Variants in AMPH observed in about 807,000 individuals in gnomAD.
AMPH encodes the protein amphiphysin.
AMPH carries 49 observed loss-of-function variants against 99.1 expected under a neutral mutation model. That is an observed-to-expected ratio of 0.49 (90% CI 0.39 to 0.63). AMPH has a LOEUF of 0.63. Ranked by LOEUF, AMPH falls within the 20% of genes least tolerant of loss-of-function variation. AMPH has a pLI of 0.00. For missense variants in AMPH, 759 were observed against 863.4 expected (o/e 0.88, Z 1.52); for synonymous variants, 314 against 317.3 (o/e 0.99, Z 0.11).
intron 1 of AMPH, among the ~76,000 whole-genome samples, chr7:38,626,799 G>T (rs1584321176): frequency 6.6e-6 from 1 of 152,194 alleles, no homozygotes; most frequent in East Asian, 1.9e-4. Context: ...TAATTATCCA[G>T]AATCTAAAAG....
chr7:38,608,512 G>T (rs1166428453), intron 1 of AMPH, among the ~76,000 whole-genome samples: 1 of 152,108 alleles, frequency 6.6e-6, no homozygotes, highest in Non-Finnish European at 1.5e-5. Context: ...GGCTTTTGGG[G>T]TTCTGTAGCA....
chr7:38,440,217 A>T (rs548810443), intron 11 of AMPH, among the ~76,000 whole-genome samples: 1 of 152,374 alleles, frequency 6.6e-6, no homozygotes, highest in East Asian at 1.9e-4. Flanking sequence ...GAGGAACAAC[A>T]TGAAGGTAGC....
At chr7:38,602,617 C>A (rs186635130) in intron 1 of AMPH, among the ~76,000 whole-genome samples, 1 of 152,276 alleles carries the variant, frequency 6.6e-6, no homozygotes. Flanking sequence ...CCCCAGTAAT[C>A]CAGAATAATC....
At chr7:38,432,599 C>T (rs1786077672) in intron 12 of AMPH, among the ~76,000 whole-genome samples, 1 of 148,882 alleles carries the variant, frequency 6.7e-6, no homozygotes, top group Admixed American at 6.7e-5. Flanking sequence ...CACACACACA[C>T]ACACACACAC....
chr7:38,517,834 T>A (rs1789808043), intron 2 of AMPH, among the ~76,000 whole-genome samples: 1 of 152,198 alleles, frequency 6.6e-6, no homozygotes, highest in African/African-American at 2.4e-5. Flanking sequence ...ACGTGATCCT[T>A]TGTTAAAGAG....
intron 1 of AMPH, among the ~76,000 whole-genome samples, chr7:38,576,051 G>T (rs1792229759): frequency 6.6e-6 from 1 of 152,156 alleles, no homozygotes; most frequent in South Asian, 2.1e-4. Flanking sequence ...TAAGCCTCTG[G>T]GATAGACTGC....
intron 11 of AMPH, among the ~76,000 whole-genome samples, chr7:38,449,285 G>T (rs1023911528): frequency 6.6e-6 from 1 of 152,186 alleles, no homozygotes; most frequent in Non-Finnish European, 1.5e-5. Context: ...TCTCTTTCGG[G>T]TGCTTACAAT....
intron 2 of AMPH, among the ~76,000 whole-genome samples, chr7:38,528,717 G>C (rs904806247): frequency 2.6e-5 from 4 of 151,426 alleles, no homozygotes; most frequent in African/African-American, 9.7e-5. Context: ...TCCATTTTCA[G>C]TTTCATTGAT....
intron 1 of AMPH, among the ~76,000 whole-genome samples, chr7:38,590,580 G>C (rs576695655): frequency 2.2e-4 from 34 of 152,286 alleles, no homozygotes; most frequent in African/African-American, 7.9e-4. Context: ...CCCTCCCCCT[G>C]TGCTCTCAGA....
At chr7:38,477,458 A>G (rs938413479) in intron 5 of AMPH, among the ~76,000 whole-genome samples, 6 of 152,178 alleles carry the variant, frequency 3.9e-5, no homozygotes, top group Non-Finnish European at 5.9e-5. Flanking sequence ...TACTTTGTTC[A>G]TTAGAATCCC....
chr7:38,504,399 G>A (rs1310068788), intron 2 of AMPH, among the ~76,000 whole-genome samples: 5 of 152,158 alleles, frequency 3.3e-5, no homozygotes, highest in Admixed American at 1.3e-4. Context: ...TAGAAACTCC[G>A]AGACTCTCTG....
chr7:38,621,008 T>C (rs931063509), intron 1 of AMPH, among the ~76,000 whole-genome samples: 35 of 152,194 alleles, frequency 2.3e-4, no homozygotes, highest in Non-Finnish European at 4.4e-5. Context: ...GAAGAGATCA[T>C]TTATAAGGCC....
At chr7:38,602,724 A>G (rs1229292756) in intron 1 of AMPH, among the ~76,000 whole-genome samples, 2 of 152,210 alleles carry the variant, frequency 1.3e-5, no homozygotes, top group Non-Finnish European at 2.9e-5. Flanking sequence ...GGATGTAGAC[A>G]TCTTTGAGAG....
Position 38,564,289 on chromosome 7 carries a change from G to A in AMPH, c.70-29278C>T, listed in dbSNP as rs955824560. ...ATGAGGTGACAGAACCCCTGCACACGTCAAGCAGGGATCAGGGACTATACA... is the reference window on the plus strand; with the variant it reads ...ATGAGGTGACAGAACCCCTGCACACATCAAGCAGGGATCAGGGACTATACA... On this transcript the variant is annotated intron_variant, in intron 1 of 20. Coordinates refer to ENST00000356264, the MANE Select transcript of AMPH (RefSeq NM_001635.4). Among the ~76,000 whole-genome samples the A allele has an allele frequency of 3.3e-5, 5 of 152,178 alleles. No homozygotes were observed. In the East Asian group the frequency reaches 5.8e-4, roughly 18 times the overall value.
At chr7:38,475,125 A>G (rs1788032741) in intron 7 of AMPH, among the ~76,000 whole-genome samples, 1 of 152,222 alleles carries the variant, frequency 6.6e-6, no homozygotes, top group Non-Finnish European at 1.5e-5. Context: ...TTTAAAATTT[A>G]GTTCCTCCTT....
At chr7:38,600,136 A>G (rs1793197489) in intron 1 of AMPH, among the ~76,000 whole-genome samples, 1 of 152,170 alleles carries the variant, frequency 6.6e-6, no homozygotes, top group Non-Finnish European at 1.5e-5. Context: ...AAAATAAAAG[A>G]TAAAAATCCC....
intron 17 of AMPH, among the ~76,000 whole-genome samples, chr7:38,398,193 A>AC (rs1015584090): frequency 1.5e-5 from 2 of 135,080 alleles, no homozygotes; most frequent in Non-Finnish European, 3.4e-5. Flanking sequence ...AAAAAAAAAA[A>AC]AACAAAAAAA....
chr7:38,400,037 G>A (rs1784798448), intron 17 of AMPH, among the ~76,000 whole-genome samples: 1 of 152,026 alleles, frequency 6.6e-6, no homozygotes, highest in Non-Finnish European at 1.5e-5. Context: ...AGTAGGTGGT[G>A]GCTCTCTGCA....
intron 14 of AMPH, chr7:38,428,152 T>A: frequency 2.2e-6 from 1 of 456,764 alleles, no homozygotes; most frequent in Non-Finnish European, 4.4e-6. Context: ...CAGTGGTTAA[T>A]AGAATCCAGA....
Sources: gnomAD v4.1 joint callset for allele counts (sites outside exome capture counted in the v4.1 genomes callset) on GRCh38, gnomAD v4.1.1 for gene constraint, MANE v1.5 for transcripts, NCBI Gene and HGNC (gene_info 2026-07-23, HGNC 2026-07-21) for gene names.